Variants in IFT80 observed in about 807,000 individuals in gnomAD.
IFT80 encodes the protein intraflagellar transport protein 80 homolog.
A neutral mutation model predicts 107.9 loss-of-function variants in IFT80; 79 were observed. That is an observed-to-expected ratio of 0.73 (90% CI 0.61 to 0.88). The LOEUF (loss-of-function observed/expected upper bound fraction) is 0.88, where lower values mean the gene tolerates loss of function less well. Among genes scored for constraint, IFT80 ranks in the 40% least tolerant of loss-of-function variants. The pLI, the probability that IFT80 is intolerant of heterozygous loss-of-function variation, is 0.00. For missense variants in IFT80, 797 were observed against 914.2 expected, an observed-to-expected ratio of 0.87 and a Z score of 1.65; for synonymous variants, 299 against 300.9, an observed-to-expected ratio of 0.99 and a Z score of 0.07.
chr3:160,322,303 G>A (rs935014714), intron 8 of IFT80, among the ~76,000 whole-genome samples: 1 of 149,864 alleles, frequency 6.7e-6, no homozygotes, highest in African/African-American at 2.5e-5. Context: ...TTTCGTCCTT[G>A]CAATAGTTTA....
intron 8 of IFT80, among the ~76,000 whole-genome samples, chr3:160,330,016 T>C (rs941169933): frequency 2.0e-5 from 3 of 152,200 alleles, no homozygotes; most frequent in Admixed American, 1.3e-4. Context: ...TGTGAGCTTA[T>C]TAGAAATGTA....
At chr3:160,383,544 T>C in intron 2 of IFT80, 7 of 786,316 alleles carry the variant, frequency 8.9e-6, no homozygotes, top group South Asian at 5.8e-5. Context: ...TTTCGTAAGA[T>C]ACAATAAAAA....
chr3:160,394,778 A>T (rs1170032610), intron 1 of IFT80, among the ~76,000 whole-genome samples: 1 of 152,116 alleles, frequency 6.6e-6, no homozygotes, highest in Admixed American at 6.5e-5. Flanking sequence ...CTATTTTAAA[A>T]ATGAGATGAA....
chr3:160,274,879 C>A (rs937115309), intron 18 of IFT80, among the ~76,000 whole-genome samples: 1 of 152,200 alleles, frequency 6.6e-6, no homozygotes, highest in Non-Finnish European at 1.5e-5. Flanking sequence ...GAGATCGTGC[C>A]GCCGCACTCC....
chr3:160,382,225 C>T (rs1273748711), intron 2 of IFT80, among the ~76,000 whole-genome samples: 1 of 152,150 alleles, frequency 6.6e-6, no homozygotes, highest in Non-Finnish European at 1.5e-5. Flanking sequence ...TAACAGTAGG[C>T]TATCCTTTTC....
At chr3:160,380,066 C>T (rs1712348162) in intron 3 of IFT80, among the ~76,000 whole-genome samples, 1 of 145,826 alleles carries the variant, frequency 6.9e-6, no homozygotes, top group South Asian at 2.1e-4. Flanking sequence ...CGGAGTCTTG[C>T]TCTGTGCCCA....
At chr3:160,372,461 C>T (rs1711598775) in intron 5 of IFT80, among the ~76,000 whole-genome samples, 1 of 152,130 alleles carries the variant, frequency 6.6e-6, no homozygotes, top group African/African-American at 2.4e-5. Context: ...GTCATTATAA[C>T]AACTTAACTG....
intron 12 of IFT80, among the ~76,000 whole-genome samples, chr3:160,288,483 A>G (rs879872724): frequency 1.3e-5 from 2 of 152,254 alleles, no homozygotes; most frequent in African/African-American, 2.4e-5. Flanking sequence ...GCAAAAATTG[A>G]CAAATAGAAT....
chr3:160,377,531 T>G lies in IFT80; in HGVS notation c.269A>C (p.His90Pro). Residue 90 changes from histidine to proline, a missense_variant, in exon 4 of 20, where the codon CAT (histidine) becomes CCT (proline). Coordinates refer to ENST00000326448, the MANE Select transcript of IFT80 (RefSeq NM_020800.3). ...FVLTSSDGKF[H>P]LISKLGRVEK... is the part of the protein sequence containing the mutation. ...CACTCTTCCTAACTTGGAAATCAGA[T>G]GAAATTTACCTGAAAGAAATTACAT... 1 of 1,589,598 alleles carries G rather than the reference T, an allele frequency of 6.3e-7. No individual in the cohort carries two copies. Among genetic ancestry groups the G allele is most frequent in the South Asian group, 1.1e-5 (1 of 90,068 alleles).
At chr3:160,386,900 AT>A (rs986084169) in intron 1 of IFT80, among the ~76,000 whole-genome samples, 18 of 152,218 alleles carry the variant, frequency 1.2e-4, no homozygotes, top group African/African-American at 4.1e-4. Context: ...GAAAGTCATA[AT>A]AAAAGCTTTA....
In IFT80 at chr3:160,258,581, C is replaced by T. The variant is rs762013295; in HGVS notation, c.2278G>A (p.Glu760Lys). 5 of 1,613,216 alleles carry T rather than the reference C, an allele frequency of 3.1e-6. No homozygotes were observed. The African/African-American group carries it at 6.7e-5, about 22-fold the overall frequency. Residue 760 changes from glutamate (E) to lysine (K), a missense_variant, in exon 20 of 20, where the codon GAA becomes AAA. Transcript: ENST00000326448. ...TGGCTGCTTGATGATTGCTCTCTTT[C>T]TTTTGTAATTTCCATCTCAATTTTG... ...KAKIEMEITKEREQSSSSQSS... is the reference protein window; with the variant it reads ...KAKIEMEITKKREQSSSSQSS...
In IFT80 at chr3:160,362,673, T is replaced by C. The variant is rs542595267; in HGVS notation, c.549+3370A>G. ...AGCACATCAAAAAGCTTATCCACCA[T>C]GATCAAGTTGGCTTCATCCCTGGGA... On this transcript the variant is annotated intron_variant, in intron 6 of 19. Coordinates refer to ENST00000326448, the MANE Select transcript of IFT80 (RefSeq NM_020800.3). 1.2e-4 allele frequency among the ~76,000 whole-genome samples: 18 copies of C among 152,268 alleles called. No individual in the cohort carries two copies. The South Asian group carries it at 3.5e-3, about 30-fold the overall frequency.
At position 160,277,568 on chromosome 3, in the gene IFT80, A is replaced by G. The variant is rs3737214; in HGVS notation, c.1926+13T>C. On this transcript the variant is annotated intron_variant, in intron 17 of 19. Coordinates refer to ENST00000326448, the MANE Select transcript of IFT80 (RefSeq NM_020800.3). ...AAAACACATGTACATATATGTAAAC[A>G]TTAATTACTTACTTCACCAATTGCT... 0.2 allele frequency: 320,257 copies of G among 1,599,886 alleles called. 34,466 individuals are homozygous for G. The highest frequency in any genetic ancestry group is 0.22 in the Non-Finnish European group (257,518 of 1,167,272).
intron 8 of IFT80, among the ~76,000 whole-genome samples, chr3:160,323,806 A>C (rs1178343835): frequency 2.0e-5 from 3 of 152,110 alleles, no homozygotes; most frequent in Non-Finnish European, 4.4e-5. Context: ...ATAGAGACCA[A>C]AAAAAACCCT....
intron 6 of IFT80, among the ~76,000 whole-genome samples, chr3:160,359,969 C>T (rs762378500): frequency 5.3e-5 from 8 of 152,234 alleles, no homozygotes; most frequent in Non-Finnish European, 1.0e-4. Context: ...CGCAGCTCCT[C>T]GCCAGCAATG....
chr3:160,356,370 T>C lies in IFT80; in HGVS notation c.640-220A>G, dbSNP rs143897618. Among the ~76,000 whole-genome samples the C allele has an allele frequency of 4.4e-3, 670 of 152,322 alleles. 1 individual carries two copies. Among genetic ancestry groups the C allele is most frequent in the Non-Finnish European group, 7.7e-3 (522 of 68,016 alleles). On this transcript the variant is annotated intron_variant, in intron 7 of 19. Coordinates refer to ENST00000326448, the MANE Select transcript of IFT80 (RefSeq NM_020800.3). ...CACACAAGGGGAAAACAAAGCTGTA[T>C]TCCTTTAAGCCTAAATGTCTCAAAA...
At chr3:160,340,853 G>C (rs1719844010) in intron 8 of IFT80, among the ~76,000 whole-genome samples, 1 of 152,170 alleles carries the variant, frequency 6.6e-6, no homozygotes, top group African/African-American at 2.4e-5. Flanking sequence ...AGGTTCTGGG[G>C]ATTAGCATAT....
chr3:160,344,816 C>T (rs1253963975), intron 8 of IFT80, among the ~76,000 whole-genome samples: 1 of 152,040 alleles, frequency 6.6e-6, no homozygotes, highest in African/African-American at 2.4e-5. Context: ...AGAAGTCATA[C>T]AAATGGGAAA....
chr3:160,366,092 C>G lies in IFT80; in HGVS notation c.500G>C (p.Gly167Ala), dbSNP rs1188478699. 2.5e-6 allele frequency: 4 copies of G among 1,612,630 alleles called. No individual in the cohort carries two copies. The highest frequency in any genetic ancestry group is 1.3e-5 in the African/African-American group (1 of 74,744). The change falls in exon 6 of 20, where the codon GGC (glycine) becomes GCC (alanine). Residue 167 changes from glycine to alanine, a missense_variant. Coordinates refer to ENST00000326448, the MANE Select transcript of IFT80 (RefSeq NM_020800.3). ...AAGAGGTTTAATGATTAGCTGCTTG[C>G]CTGCTGTATAAAGAACCTTTTCTGA... ...PDSEKVLYTA[G>A]KQLIIKPLQP...
Sources: allele counts gnomAD v4.1 joint callset (sites outside exome capture counted in the v4.1 genomes callset), GRCh38; gene constraint gnomAD v4.1.1; transcripts MANE v1.5; gene names NCBI Gene and HGNC (gene_info 2026-07-23, HGNC 2026-07-21).